The following C12orf50 variants were observed in gnomAD, a reference collection of about 807,000 sequenced individuals.
C12orf50 encodes the protein zinc finger CCCH-type containing 11D.
In C12orf50, 35 loss-of-function variants were observed where a neutral mutation model predicts 61.6. That is an observed-to-expected ratio of 0.57 (90% CI 0.43 to 0.75). The LOEUF (loss-of-function observed/expected upper bound fraction) is 0.75. Among genes scored for constraint, C12orf50 ranks in the 30% least tolerant of loss-of-function variants. The pLI is 0.00. For synonymous variants in C12orf50, 178 were observed against 161.5 expected (o/e 1.10, Z -0.77); for missense variants, 475 against 488.5 (o/e 0.97, Z 0.26).
At chr12:88,026,463 T>C (rs2032710883) in intron 3 of C12orf50, 25 bp downstream of exon 3, 1 of 1,611,302 alleles carries the variant, frequency 6.2e-7, no homozygotes, top group Admixed American at 1.7e-5. Flanking sequence ...ATGGTAAGTC[T>C]ATGTTATTCA....
chr12:88,025,022 C>A (rs567096228), intron 3 of C12orf50, among the ~76,000 whole-genome samples: 1 of 152,152 alleles, frequency 6.6e-6, no homozygotes, highest in South Asian at 2.1e-4. Flanking sequence ...TAATAAATAA[C>A]CACTTTGAAG....
chr12:88,021,153 G>A (rs939087737), intron 3 of C12orf50, among the ~76,000 whole-genome samples: 1 of 152,102 alleles, frequency 6.6e-6, no homozygotes, highest in African/African-American at 2.4e-5. Flanking sequence ...CAACCCTAAA[G>A]CTGGCAGAAG....
intron 12 of C12orf50, among the ~76,000 whole-genome samples, chr12:87,981,910 T>C (rs1040730277): frequency 6.6e-6 from 1 of 152,148 alleles, no homozygotes; most frequent in African/African-American, 2.4e-5. Context: ...ATCTGGGAAC[T>C]GCAACACAGC....
In C12orf50 at chr12:87,999,946, T is replaced by A. The variant is rs187702005; in HGVS notation, c.134-1756A>T. On this transcript the variant is annotated intron_variant, in intron 3 of 12. Transcript: ENST00000298699. ...TCACAAAAAATAATATATTATATGATTCCATTTATACAAAATATCAAAAAT... is the reference window on the plus strand; with the variant it reads ...TCACAAAAAATAATATATTATATGAATCCATTTATACAAAATATCAAAAAT... 4.6e-5 allele frequency among the ~76,000 whole-genome samples: 7 copies of A among 152,208 alleles called. No homozygotes were observed. In the East Asian group the frequency reaches 1.4e-3, roughly 29 times the overall value.
chr12:87,995,193 TC>T (rs1257735027), intron 6 of C12orf50, among the ~76,000 whole-genome samples: 4 of 152,264 alleles, frequency 2.6e-5, no homozygotes, highest in Non-Finnish European at 2.9e-5. Flanking sequence ...ATAATTTTCT[TC>T]TAAAATAAAC....
chr12:87,995,248 T>G lies in C12orf50; in HGVS notation c.482-505A>C, dbSNP rs190537539. On this transcript the variant is annotated intron_variant, in intron 6 of 12. Transcript: ENST00000298699. ...AGAGACATGACAACCTAATGCAATG[T>G]GTGATTCTGGATTGGATCCTAGACT... 1.6e-4 allele frequency among the ~76,000 whole-genome samples: 24 copies of G among 152,266 alleles called. No individual in the cohort carries two copies. The East Asian group carries it at 4.6e-3, about 29-fold the overall frequency.
chr12:87,987,726 T>C (rs1592647511), intron 9 of C12orf50, 124 bp downstream of exon 9: 1 of 670,670 alleles, frequency 1.5e-6, no homozygotes, highest in East Asian at 2.8e-5. Context: ...CTTTAATTCT[T>C]AGTTCTGAAT....
intron 12 of C12orf50, among the ~76,000 whole-genome samples, chr12:87,981,198 A>AT (rs1183815353): frequency 2.0e-5 from 3 of 152,026 alleles, no homozygotes; most frequent in African/African-American, 7.2e-5. Flanking sequence ...CAGATTTAAA[A>AT]TTTTTTCTCA....
intron 4 of C12orf50, 141 bp downstream of exon 4, chr12:87,997,894 A>T (rs1168549472): frequency 1.5e-6 from 1 of 652,366 alleles, no homozygotes; most frequent in African/African-American, 1.8e-5. Context: ...AATGAATTAA[A>T]TTAGTTTAAT....
chr12:87,998,023 A>T lies in C12orf50; in HGVS notation c.289+12T>A, dbSNP rs571647915. 2.5e-6 allele frequency: 4 copies of T among 1,600,640 alleles called. No homozygotes were observed. Among genetic ancestry groups the T allele is most frequent in the South Asian group, 1.1e-5 (1 of 88,690 alleles). ...GAATGTGTATTGTAAACCTGAAAAA[A>T]GTTCTACTAACCATTTTGTTCATCT... On this transcript the variant is annotated intron_variant, in intron 4 of 12. Transcript: ENST00000298699.
chr12:88,019,089 T>C (rs986611792), intron 3 of C12orf50, among the ~76,000 whole-genome samples: 1 of 152,094 alleles, frequency 6.6e-6, no homozygotes, highest in Non-Finnish European at 1.5e-5. Context: ...AGGGATGGAA[T>C]GATATGGTTT....
intron 4 of C12orf50, among the ~76,000 whole-genome samples, 172 bp from the exon 5 acceptor site, chr12:87,996,818 G>C (rs944244095): frequency 1.3e-5 from 2 of 152,084 alleles, no homozygotes; most frequent in African/African-American, 4.8e-5. Flanking sequence ...TACATTTTAA[G>C]TATTCAAAAC....
intron 3 of C12orf50, among the ~76,000 whole-genome samples, chr12:88,004,003 T>A (rs1444241124): frequency 1.3e-5 from 2 of 152,136 alleles, no homozygotes; most frequent in Non-Finnish European, 2.9e-5. Context: ...TCTTCAAATC[T>A]ACTGGTTCTT....
chr12:88,021,884 T>G (rs996370547), intron 3 of C12orf50, among the ~76,000 whole-genome samples: 1 of 151,988 alleles, frequency 6.6e-6, no homozygotes, highest in East Asian at 1.9e-4. Context: ...CAGGGCCAGA[T>G]AGATTCATAG....
intron 3 of C12orf50, among the ~76,000 whole-genome samples, chr12:88,023,252 CAG>C (rs2032582856): frequency 1.3e-5 from 2 of 151,954 alleles, no homozygotes; most frequent in Admixed American, 1.3e-4. Context: ...AAATAAGAAA[CAG>C]GGAGAGGACT....
rs572905111 is a variant in C12orf50 at position 87,983,380 on chromosome 12, GT to G, written c.1127-186del. On this transcript the variant is annotated intron_variant, in intron 11 of 12. Coordinates refer to ENST00000298699, the MANE Select transcript of C12orf50 (RefSeq NM_152589.3). ...GACCATTTAAGTTATAAGTGAGCAT[GT>G]TTTTTTTTGTTTTTTTTATTATTAT... 418 of 342,914 alleles carry G rather than the reference GT, an allele frequency of 1.2e-3. 2 individuals are homozygous for G. The highest frequency in any genetic ancestry group is 6.4e-3 in the African/African-American group (291 of 45,294). The allele number at this position is 342,914 out of a possible 1,614,324, so 21.2% of individuals were successfully genotyped here. A position where few individuals can be genotyped will look rare whatever the true frequency, so the allele number is the denominator to read the frequency against.
chr12:87,989,241 C>T lies in C12orf50; in HGVS notation c.700+23G>A. Reference sequence around the variant, plus strand: ...TTGCCTAGCCAAATTACAAATGAATCAAAATTATATAATATTCATTACCTT... The same window carrying T: ...TTGCCTAGCCAAATTACAAATGAATTAAAATTATATAATATTCATTACCTT... On this transcript the variant is annotated intron_variant, in intron 8 of 12. Transcript: ENST00000298699. The T allele has an allele frequency of 2.0e-6, 3 of 1,514,978 alleles. No individual in the cohort carries two copies. The East Asian group carries it at 7.1e-5, about 36-fold the overall frequency. 93.8% of individuals were successfully genotyped at this position (1,514,978 alleles called of 1,614,324 possible).
intron 7 of C12orf50, among the ~76,000 whole-genome samples, chr12:87,990,567 G>A (rs944079319): frequency 6.6e-6 from 1 of 152,128 alleles, no homozygotes; most frequent in Admixed American, 6.5e-5. Context: ...GCATGTGACT[G>A]CAATGCCTGA....
intron 11 of C12orf50, chr12:87,983,512 G>A (rs755295326): frequency 3.8e-5 from 6 of 158,496 alleles, no homozygotes; most frequent in Non-Finnish European, 6.9e-5. Flanking sequence ...ATTTAGCATT[G>A]GGATATCTCC....
Sources: gnomAD v4.1 joint callset for allele counts (sites outside exome capture counted in the v4.1 genomes callset) on GRCh38, gnomAD v4.1.1 for gene constraint, MANE v1.5 for transcripts, NCBI Gene and HGNC (gene_info 2026-07-23, HGNC 2026-07-21) for gene names.